The following NAALADL2 variants were observed in gnomAD, a reference collection of about 807,000 sequenced individuals.
NAALADL2 encodes the protein inactive N-acetylated-alpha-linked acidic dipeptidase-like protein 2.
A neutral mutation model predicts 87.2 loss-of-function variants in NAALADL2; 76 were observed. The observed-to-expected ratio is 0.87, with a 90% CI of 0.72 to 1.05. NAALADL2 has a LOEUF of 1.05. NAALADL2 is among the 50% of genes least tolerant of loss of function. NAALADL2 has a pLI of 0.00. For synonymous variants in NAALADL2, 354 were observed against 331.0 expected (o/e 1.07, Z -0.75); for missense variants, 1,089 against 945.8 (o/e 1.15, Z -1.99).
chr3:175,667,603 G>C (rs1048961910), intron 11 of NAALADL2, among the ~76,000 whole-genome samples: 1 of 152,034 alleles, frequency 6.6e-6, no homozygotes, highest in Admixed American at 6.6e-5. Context: ...CATAACTTTT[G>C]TTTAAATTGT....
chr3:175,712,987 A>G (rs910259536), intron 11 of NAALADL2, among the ~76,000 whole-genome samples: 1 of 152,114 alleles, frequency 6.6e-6, no homozygotes, highest in Non-Finnish European at 1.5e-5. Context: ...TAACTGTAGT[A>G]AAGTCTTAAA....
intron 3 of NAALADL2, among the ~76,000 whole-genome samples, chr3:174,805,511 C>A (rs1381642259): frequency 1.3e-5 from 2 of 152,050 alleles, no homozygotes; most frequent in African/African-American, 4.8e-5. Context: ...TTATTAACTG[C>A]TAATACTTAA....
intron 3 of NAALADL2, among the ~76,000 whole-genome samples, chr3:175,252,498 C>T (rs1028580599): frequency 1.3e-5 from 2 of 152,134 alleles, no homozygotes; most frequent in Non-Finnish European, 2.9e-5. Flanking sequence ...TCTCCTGGGC[C>T]TCCCTCTCCT....
At chr3:175,476,887 A>G (rs1221632992) in intron 9 of NAALADL2, among the ~76,000 whole-genome samples, 1 of 152,154 alleles carries the variant, frequency 6.6e-6, no homozygotes, top group Non-Finnish European at 1.5e-5. Context: ...TCTTGACTTT[A>G]TATTTACATA....
chr3:175,008,882 G>C (rs1212026922), intron 1 of NAALADL2, among the ~76,000 whole-genome samples: 1 of 152,148 alleles, frequency 6.6e-6, no homozygotes. Context: ...CCTAAGTTCA[G>C]TAAGATGCAA....
At chr3:175,206,556 G>A (rs1257398943) in intron 2 of NAALADL2, among the ~76,000 whole-genome samples, 2 of 149,200 alleles carry the variant, frequency 1.3e-5, no homozygotes. Context: ...GGGACTTGGT[G>A]GGGAAGAGTG....
At chr3:175,349,586 A>G (rs1268055516) in intron 5 of NAALADL2, among the ~76,000 whole-genome samples, 1 of 152,066 alleles carries the variant, frequency 6.6e-6, no homozygotes, top group Non-Finnish European at 1.5e-5. Flanking sequence ...TTTTTTTAAG[A>G]AAACAGACCC....
chr3:174,922,932 A>G (rs2108364122), intron 1 of NAALADL2, among the ~76,000 whole-genome samples: 1 of 152,306 alleles, frequency 6.6e-6, no homozygotes, highest in African/African-American at 2.4e-5. Context: ...AGAAGTCTTC[A>G]ACGATTCTCC....
At chr3:175,099,546 T>C (rs1280495018) in intron 2 of NAALADL2, among the ~76,000 whole-genome samples, 1 of 152,220 alleles carries the variant, frequency 6.6e-6, no homozygotes. Flanking sequence ...CCTAACCACA[T>C]GTCATTATGA....
chr3:174,491,619 A>C (rs1473354323), intron 1 of NAALADL2, among the ~76,000 whole-genome samples: 3 of 152,194 alleles, frequency 2.0e-5, no homozygotes, highest in African/African-American at 4.8e-5. Context: ...AAAATGGATG[A>C]GCCATCAAAG....
intron 1 of NAALADL2, among the ~76,000 whole-genome samples, chr3:174,863,619 A>ATGC (rs2109553081): frequency 6.6e-6 from 1 of 151,972 alleles, no homozygotes; most frequent in South Asian, 2.1e-4. Context: ...CTTAGTGTCT[A>ATGC]TGCTTCCAAG....
intron 2 of NAALADL2, among the ~76,000 whole-genome samples, chr3:174,714,871 G>T (rs1731032652): frequency 6.6e-6 from 1 of 152,116 alleles, no homozygotes. Context: ...TCCCTGTCTT[G>T]TGCGAGTTTT....
intron 8 of NAALADL2, among the ~76,000 whole-genome samples, chr3:175,470,615 TG>T (rs1431383087): frequency 6.6e-6 from 1 of 152,118 alleles, no homozygotes; most frequent in African/African-American, 2.4e-5. Context: ...TATGACATAA[TG>T]TAATCTTTTA....
At chr3:175,352,439 A>T (rs1445901510) in intron 5 of NAALADL2, among the ~76,000 whole-genome samples, 1 of 152,168 alleles carries the variant, frequency 6.6e-6, no homozygotes. Flanking sequence ...TCCCAAAATT[A>T]CAATTACAGA....
chr3:175,555,109 G>A (rs984484765), intron 9 of NAALADL2, among the ~76,000 whole-genome samples: 1 of 152,130 alleles, frequency 6.6e-6, no homozygotes, highest in African/African-American at 2.4e-5. Flanking sequence ...CTATTGGTGA[G>A]TCCCTAATGT....
intron 10 of NAALADL2, among the ~76,000 whole-genome samples, chr3:175,621,962 T>C (rs1006003163): frequency 4.6e-5 from 7 of 152,326 alleles, no homozygotes; most frequent in African/African-American, 1.7e-4. Flanking sequence ...CTCATAGTTT[T>C]CTAGATAACA....
At chr3:175,378,537 A>C (rs1232447472) in intron 5 of NAALADL2, among the ~76,000 whole-genome samples, 2 of 152,224 alleles carry the variant, frequency 1.3e-5, no homozygotes, top group Non-Finnish European at 2.9e-5. Flanking sequence ...CAGTGCATGC[A>C]CAGCTTAGAT....
At chr3:174,465,215 G>T (rs1716464408) in intron 1 of NAALADL2, among the ~76,000 whole-genome samples, 1 of 151,922 alleles carries the variant, frequency 6.6e-6, no homozygotes, top group Non-Finnish European at 1.5e-5. Context: ...TGTGTGTTAA[G>T]AATAATTGAG....
chr3:175,778,374 C>T (rs1024347981), intron 13 of NAALADL2, among the ~76,000 whole-genome samples: 1 of 152,188 alleles, frequency 6.6e-6, no homozygotes, highest in African/African-American at 2.4e-5. Flanking sequence ...TTTGTATAGA[C>T]TCTTACAAGG....
Sources: allele counts gnomAD v4.1 joint callset (sites outside exome capture counted in the v4.1 genomes callset), GRCh38; gene constraint gnomAD v4.1.1; transcripts MANE v1.5; gene names NCBI Gene and HGNC (gene_info 2026-07-23, HGNC 2026-07-21).